The following SARS2 variants were observed in gnomAD, a reference collection of about 807,000 sequenced individuals.
The protein encoded by SARS2 is seryl-tRNA synthetase 2, mitochondrial.
In SARS2, 52 loss-of-function variants were observed where a neutral mutation model predicts 66.8. The observed-to-expected ratio is 0.78, with a 90% confidence interval of 0.62 to 0.98. The LOEUF (loss-of-function observed/expected upper bound fraction) is 0.98. Among genes scored for constraint, SARS2 ranks in the 50% least tolerant of loss-of-function variants. The pLI is 0.00. For synonymous variants in SARS2, 306 were observed against 281.4 expected (o/e 1.09, Z -0.87); for missense variants, 673 against 706.3 (o/e 0.95, Z 0.53).
At chr19:38,919,530 T>C (rs974862254) in intron 7 of SARS2, among the ~76,000 whole-genome samples, 2 of 152,212 alleles carry the variant, frequency 1.3e-5, no homozygotes, top group Non-Finnish European at 2.9e-5. Context: ...CTGTGAGACC[T>C]TGGGCTATAG....
chr19:38,916,233 G>C lies in SARS2; in HGVS notation c.1242C>G (p.Gly414=), dbSNP rs1329083085. Residue 414 remains glycine, a synonymous_variant, in exon 13 of 16, where the codon GGC becomes GGG. Coordinates refer to ENST00000221431, the MANE Select transcript of SARS2 (RefSeq NM_017827.4). ...FDIEAWMPGR[G]RFGEVTSASN... The stretch of plus-strand genomic sequence containing the variant: ...GCACAGGGCTCACCTCTCCAAAGCG[G>C]CCTCGGCCTGGCATCCAGGCCTCAA... 3 of 1,613,932 alleles carry C rather than the reference G, an allele frequency of 1.9e-6. No individual in the cohort carries two copies. Among genetic ancestry groups the C allele is most frequent in the Non-Finnish European group, 2.5e-6 (3 of 1,179,926 alleles).
chr19:38,918,084 C>T lies in SARS2; in HGVS notation c.962+10G>A. The stretch of plus-strand genomic sequence containing the variant: ...AGGTGGGGTCAAGGTCTAAGGAAAC[C>T]AGGTGTCACCTGACTGGCAGGTCCC... On this transcript the variant is annotated intron_variant, in intron 10 of 15. Coordinates refer to ENST00000221431, the MANE Select transcript of SARS2 (RefSeq NM_017827.4). The T allele has an allele frequency of 6.2e-7, 1 of 1,606,352 alleles. No homozygotes were observed. Among genetic ancestry groups the T allele is most frequent in the South Asian group, 1.1e-5 (1 of 89,420 alleles).
Position 38,921,674 on chromosome 19 carries a change from G to A in SARS2, c.394-7C>T. On this transcript the variant is annotated splice_region_variant and splice_polypyrimidine_tract_variant and intron_variant, in intron 3 of 15. Transcript: ENST00000221431. ...GACCCTGGTACTTGGGGTCCTGGGG[G>A]CAGCACAGGTGGGCTCAGCCCGGGA... 1.2e-6 allele frequency: 2 copies of A among 1,614,030 alleles called. No individual in the cohort carries two copies. The highest frequency in any genetic ancestry group is 2.2e-5 in the East Asian group (1 of 44,884).
At chr19:38,917,599 T>A (rs1226368923) in intron 12 of SARS2, 125 bp downstream of exon 12, 7 of 733,120 alleles carry the variant, frequency 9.5e-6, no homozygotes, top group African/African-American at 1.7e-5. Context: ...GTAATCCTTG[T>A]ACAGGAAAAT....
Position 38,921,634 on chromosome 19 carries a change from G to T in SARS2, c.427C>A (p.Arg143=). The change falls in exon 4 of 16, where the codon CGG becomes AGG. Residue 143 remains arginine (R), a synonymous_variant. Transcript: ENST00000221431. ...TGAACAAGCTCCTTCCGGATCTCCCGGCCACGTGCCCGCAGACCCTGGTAC... is the reference window on the plus strand; with the variant it reads ...TGAACAAGCTCCTTCCGGATCTCCCTGCCACGTGCCCGCAGACCCTGGTAC... The part of the protein sequence containing the change: ...PKYQGLRARG[R]EIRKELVHLY... 6.2e-7 allele frequency: 1 copy of T among 1,614,200 alleles called. No homozygotes were observed. The highest frequency in any genetic ancestry group is 8.5e-7 in the Non-Finnish European group (1 of 1,180,034).
intron 5 of SARS2, 87 bp from the exon 6 acceptor site, chr19:38,920,236 A>G: frequency 9.6e-7 from 1 of 1,042,202 alleles, no homozygotes; most frequent in Non-Finnish European, 1.5e-6. Context: ...AGCAGAGAGG[A>G]GGGACGGTGA....
In SARS2 at chr19:38,915,658, C is replaced by A; in HGVS notation, c.1505G>T (p.Gly502Val). The A allele has an allele frequency of 6.2e-7, 1 of 1,613,086 alleles. No homozygotes were observed. Residue 502 changes from glycine (G) to valine (V), a missense_variant, in exon 16 of 16, where the codon GGC (glycine) becomes GTC (valine). Coordinates refer to ENST00000221431, the MANE Select transcript of SARS2 (RefSeq NM_017827.4). ...CCCAGGCTTCCGGGGCTGGTTGGGG[C>A]CGATGTACTGGAGAGGCACGTGGGT... ...APTHVPLQYI[G>V]PNQPRKPGLP...
Position 38,917,997 on chromosome 19 carries a change from G to C in SARS2, c.974C>G (p.Ser325Cys), listed in dbSNP as rs375266643. ...TGTCTCTGCCCGGTAGCAGGTGCTG[G>C]AGCAAACCATCCTGGCAGAGAGCAG... ...FRDLPVRMVC[S>C]STCYRAETNT... is the part of the protein sequence containing the mutation. Residue 325 changes from serine to cysteine, a missense_variant, in exon 11 of 16, where the codon TCC becomes TGC. Coordinates refer to ENST00000221431, the MANE Select transcript of SARS2 (RefSeq NM_017827.4). 2 of 1,602,252 alleles carry C rather than the reference G, an allele frequency of 1.2e-6. No individual in the cohort carries two copies. The highest frequency in any genetic ancestry group is 1.7e-6 in the Non-Finnish European group (2 of 1,174,138).
At chr19:38,930,188 C>A (rs1600175504) in intron 1 of SARS2, 1 of 445,584 alleles carries the variant, frequency 2.2e-6, no homozygotes, top group South Asian at 3.2e-5. Context: ...AGGGCAATGT[C>A]ACATAGCAAG....
intron 3 of SARS2, 79 bp from the exon 4 acceptor site, chr19:38,921,746 A>AG: frequency 1.3e-6 from 2 of 1,573,116 alleles, no homozygotes; most frequent in South Asian, 2.3e-5. Flanking sequence ...CCTGACCGGC[A>AG]GAGCCCCTGT....
chr19:38,920,724 TACACACAAAG>T (rs1974506820), intron 5 of SARS2, among the ~76,000 whole-genome samples: 3 of 139,010 alleles, frequency 2.2e-5, no homozygotes, highest in African/African-American at 8.2e-5. Context: ...CACACACAGA[TACACACAAAG>T]ACACAGATAC....
intron 13 of SARS2, 30 bp downstream of exon 13, chr19:38,916,191 C>A (rs1232893988): frequency 6.2e-7 from 1 of 1,613,488 alleles, no homozygotes; most frequent in Non-Finnish European, 8.5e-7. Context: ...GTCCTCCTGC[C>A]CACCCCGTCC....
In SARS2 at chr19:38,926,219, C is replaced by A. The variant is rs953356591; in HGVS notation, c.349G>T (p.Val117Leu). ...ACCATGCTCACCAGCAGGGCCCGCA[C>A]TGCCTCAGTCACAGCTGCCTTCTCT... ...EEEKAAVTEAVRALLANQDSG... is the reference protein window; with the variant it reads ...EEEKAAVTEALRALLANQDSG... The change falls in exon 2 of 16, where the codon GTG becomes TTG. Residue 117 changes from valine to leucine, a missense_variant. Coordinates refer to ENST00000221431, the MANE Select transcript of SARS2 (RefSeq NM_017827.4). The A allele has an allele frequency of 4.4e-6, 7 of 1,606,406 alleles. 1 individual carries two copies. The South Asian group carries it at 4.4e-5, about 10-fold the overall frequency.
rs1974388892 is a variant in SARS2 at position 38,915,336 on chromosome 19, G to A, written c.*270C>T. The A allele has an allele frequency of 3.6e-6, 2 of 553,024 alleles. No homozygotes were observed. The highest frequency in any genetic ancestry group is 5.7e-5 in the East Asian group (2 of 34,980). 34.3% of individuals were successfully genotyped at this position (553,024 alleles called of 1,614,324 possible). ...AGGAAAGAAGGAAGGAGGGATGGAA[G>A]CCTCTTCCTCTGCTTCTCCTGTCCC... On this transcript the variant is annotated 3_prime_UTR_variant, in exon 16 of 16. Transcript: ENST00000221431.
In SARS2 at chr19:38,918,508, T is replaced by C. The variant is rs1424140484; in HGVS notation, c.830A>G (p.Asn277Ser). ...AVFEGCGMTP[N>S]ANPSQIYNID... ...GTTGTAAATTTGGGATGGGTTGGCATTTGGTGTCATCCCACAGCCTTCCTG... is the reference window on the plus strand; with the variant it reads ...GTTGTAAATTTGGGATGGGTTGGCACTTGGTGTCATCCCACAGCCTTCCTG... The change falls in exon 9 of 16, where the codon AAT becomes AGT. Residue 277 changes from asparagine (N) to serine (S), a missense_variant. By Grantham distance (46) the Asn-to-Ser change is conservative. Coordinates refer to ENST00000221431, the MANE Select transcript of SARS2 (RefSeq NM_017827.4). 2 of 1,614,010 alleles carry C rather than the reference T, an allele frequency of 1.2e-6. No individual in the cohort carries two copies. Among genetic ancestry groups the C allele is most frequent in the Non-Finnish European group, 1.7e-6 (2 of 1,179,880 alleles).
rs1451730595 is a variant in SARS2 at position 38,930,511 on chromosome 19, G to A, written c.226C>T (p.Leu76Phe). Residue 76 changes from leucine to phenylalanine, a missense_variant, in exon 1 of 16, where the codon CTC becomes TTC. By Grantham distance (22) the Leu-to-Phe change is conservative. Coordinates refer to ENST00000221431, the MANE Select transcript of SARS2 (RefSeq NM_017827.4). ...CPEEAAHALELRKGELRSADL... is the reference protein window; with the variant it reads ...CPEEAAHALEFRKGELRSADL... The stretch of plus-strand genomic sequence containing the variant: ...GCCGAGCGCAGCTCCCCCTTGCGGA[G>A]CTCCAGGGCGTGTGCGGCCTCTTCT... The A allele has an allele frequency of 6.2e-7, 1 of 1,612,028 alleles. No homozygotes were observed. Among genetic ancestry groups the A allele is most frequent in the East Asian group, 2.2e-5 (1 of 44,850 alleles).
chr19:38,922,670 G>A (rs1474960714), intron 2 of SARS2, among the ~76,000 whole-genome samples: 1 of 152,084 alleles, frequency 6.6e-6, no homozygotes, highest in South Asian at 2.1e-4. Flanking sequence ...GGAGGTGATC[G>A]GGTCCTGGGG....
intron 5 of SARS2, among the ~76,000 whole-genome samples, chr19:38,920,632 G>A (rs1027822701): frequency 6.6e-6 from 1 of 150,556 alleles, no homozygotes; most frequent in African/African-American, 2.5e-5. Context: ...CACATATACA[G>A]ACACACAGAG....
intron 1 of SARS2, 96 bp from the exon 2 acceptor site, chr19:38,926,396 G>T: frequency 8.9e-7 from 1 of 1,123,660 alleles, no homozygotes; most frequent in Non-Finnish European, 1.3e-6. Flanking sequence ...GCGCAGTGAG[G>T]CAGAGATCCC....
Sources: allele counts gnomAD v4.1 joint callset (sites outside exome capture counted in the v4.1 genomes callset), GRCh38; gene constraint gnomAD v4.1.1; transcripts MANE v1.5; gene names NCBI Gene and HGNC (gene_info 2026-07-23, HGNC 2026-07-21).